CHCHD6: variants seen among roughly 807,000 people sequenced by gnomAD.
CHCHD6 encodes coiled-coil-helix-coiled-coil-helix domain containing 6.
CHCHD6 carries 28 observed loss-of-function variants against 32.3 expected under a neutral mutation model. That is an observed-to-expected ratio of 0.87 (90% CI 0.64 to 1.19). The LOEUF is 1.19. Ranked by LOEUF, CHCHD6 falls within the 50% of genes most tolerant of loss-of-function variation. CHCHD6 has a pLI of 0.00. For synonymous variants in CHCHD6, 122 were observed against 117.5 expected (o/e 1.04, Z -0.25); for missense variants, 333 against 307.0 (o/e 1.08, Z -0.63).
intron 6 of CHCHD6, among the ~76,000 whole-genome samples, chr3:126,945,105 G>A (rs2078616257): frequency 6.6e-6 from 1 of 152,192 alleles, no homozygotes; most frequent in Admixed American, 6.5e-5. Context: ...TGGAGTTTGT[G>A]GAAAAGGCTG....
At chr3:126,718,143 A>G (rs1358110412) in intron 1 of CHCHD6, among the ~76,000 whole-genome samples, 1 of 152,214 alleles carries the variant, frequency 6.6e-6, no homozygotes, top group African/African-American at 2.4e-5. Context: ...AGTATGGACA[A>G]GCTGAGAAAA....
chr3:126,861,991 C>CCCT (rs766393040), intron 5 of CHCHD6, among the ~76,000 whole-genome samples: 1 of 28,944 alleles, frequency 3.5e-5, no homozygotes, highest in Non-Finnish European at 7.4e-5. Flanking sequence ...CACCACCTCC[C>CCCT]CCTCCACCAT....
chr3:126,842,670 A>C (rs568295726), intron 4 of CHCHD6, among the ~76,000 whole-genome samples: 1 of 152,352 alleles, frequency 6.6e-6, no homozygotes, highest in Admixed American at 6.5e-5. Flanking sequence ...CATCAGCTGT[A>C]TCACACATTT....
intron 5 of CHCHD6, among the ~76,000 whole-genome samples, chr3:126,885,146 G>T (rs550893152): frequency 6.6e-6 from 1 of 152,332 alleles, no homozygotes; most frequent in East Asian, 1.9e-4. Flanking sequence ...TACCTGGAAA[G>T]AGGGGCTTTG....
chr3:126,893,406 A>G (rs747769594), intron 5 of CHCHD6, among the ~76,000 whole-genome samples: 6 of 152,060 alleles, frequency 3.9e-5, no homozygotes, highest in Non-Finnish European at 7.4e-5. Context: ...CGTTTTCTCT[A>G]CCTTGTCTAG....
intron 5 of CHCHD6, among the ~76,000 whole-genome samples, chr3:126,911,956 T>G (rs1031115813): frequency 7.9e-5 from 12 of 152,244 alleles, no homozygotes; most frequent in African/African-American, 2.4e-4. Flanking sequence ...GCCATGAGGT[T>G]GTTTTGTGGG....
intron 5 of CHCHD6, among the ~76,000 whole-genome samples, chr3:126,879,464 C>T (rs2077580019): frequency 6.6e-6 from 1 of 152,128 alleles, no homozygotes; most frequent in Non-Finnish European, 1.5e-5. Context: ...AATTTTTTAC[C>T]TGAATCTAAT....
intron 4 of CHCHD6, among the ~76,000 whole-genome samples, chr3:126,830,883 C>G (rs572846284): frequency 2.6e-5 from 4 of 152,182 alleles, no homozygotes; most frequent in Non-Finnish European, 5.9e-5. Context: ...TGGCCTCATT[C>G]CCTGTCACTC....
At chr3:126,791,505 C>G (rs1429292993) in intron 4 of CHCHD6, among the ~76,000 whole-genome samples, 1 of 152,274 alleles carries the variant, frequency 6.6e-6, no homozygotes, top group Non-Finnish European at 1.5e-5. Flanking sequence ...TGTTTACCTA[C>G]TCAAGCCTCA....
intron 4 of CHCHD6, among the ~76,000 whole-genome samples, chr3:126,748,975 T>C (rs1189867306): frequency 6.6e-6 from 1 of 152,142 alleles, no homozygotes; most frequent in Non-Finnish European, 1.5e-5. Context: ...CTAATTTAGA[T>C]TGAGGTCAGC....
intron 4 of CHCHD6, among the ~76,000 whole-genome samples, chr3:126,767,984 A>T (rs536367457): frequency 3.3e-4 from 50 of 152,090 alleles, no homozygotes; most frequent in Non-Finnish European, 5.9e-4. Flanking sequence ...CATTTTGTTT[A>T]TCCAGTGTAC....
chr3:126,927,472 AG>A (rs1436043710), intron 6 of CHCHD6, among the ~76,000 whole-genome samples: 1 of 152,214 alleles, frequency 6.6e-6, no homozygotes, highest in East Asian at 1.9e-4. Context: ...TGCAGGCTTA[AG>A]GGGAAGGGCA....
intron 4 of CHCHD6, among the ~76,000 whole-genome samples, chr3:126,841,601 A>G (rs77092400): frequency 1.8e-4 from 28 of 152,278 alleles, no homozygotes; most frequent in African/African-American, 6.3e-4. Flanking sequence ...CTAGTGCCTT[A>G]GTACTCAAAG....
chr3:126,949,725 G>A, intron 6 of CHCHD6: 1 of 197,010 alleles, frequency 5.1e-6, no homozygotes, highest in South Asian at 7.4e-5. Flanking sequence ...AGGAAAGGCT[G>A]CACGGAGGCT....
chr3:126,936,783 G>A (rs1020689584), intron 6 of CHCHD6, among the ~76,000 whole-genome samples: 4 of 152,158 alleles, frequency 2.6e-5, no homozygotes, highest in African/African-American at 9.7e-5. Context: ...GCGAACACCT[G>A]ACCTCAAACA....
chr3:126,706,209 T>C (rs972448591), intron 1 of CHCHD6, among the ~76,000 whole-genome samples: 2 of 152,162 alleles, frequency 1.3e-5, no homozygotes, highest in Non-Finnish European at 2.9e-5. Flanking sequence ...TTCTTTCAAG[T>C]TGATTGGAAA....
At chr3:126,822,235 TG>T (rs144245000) in intron 4 of CHCHD6, among the ~76,000 whole-genome samples, 1,545 of 152,292 alleles carry the variant, frequency 0.01, 28 homozygotes, top group African/African-American at 0.035. Context: ...AGTTAGTTTT[TG>T]TATATGGTGT....
At chr3:126,716,599 A>G (rs560509381) in intron 1 of CHCHD6, among the ~76,000 whole-genome samples, 1 of 151,978 alleles carries the variant, frequency 6.6e-6, no homozygotes, top group Non-Finnish European at 1.5e-5. Flanking sequence ...CCTCTAATAA[A>G]TATTTAATTC....
chr3:126,719,048 C>T (rs1935154010), intron 1 of CHCHD6, among the ~76,000 whole-genome samples: 1 of 152,208 alleles, frequency 6.6e-6, no homozygotes, highest in African/African-American at 2.4e-5. Context: ...TAGCCTCCCA[C>T]TCACCTGTGC....
Sources: gnomAD v4.1 joint callset for allele counts (sites outside exome capture counted in the v4.1 genomes callset) on GRCh38, gnomAD v4.1.1 for gene constraint, MANE v1.5 for transcripts, NCBI Gene and HGNC (gene_info 2026-07-23, HGNC 2026-07-21) for gene names.